The following IFT122 variants were observed in gnomAD, a reference collection of about 807,000 sequenced individuals.
IFT122 encodes the protein intraflagellar transport protein 122 homolog.
In IFT122, 118 loss-of-function variants were observed where a neutral mutation model predicts 161.6. That is an observed-to-expected ratio of 0.73 (90% CI 0.63 to 0.85). The LOEUF (loss-of-function observed/expected upper bound fraction) is 0.85. Among genes scored for constraint, IFT122 ranks in the 40% least tolerant of loss-of-function variants. IFT122 has a pLI of 0.00. For missense variants in IFT122, 1,381 were observed against 1,579.6 expected (o/e 0.87, Z 2.13); for synonymous variants, 550 against 602.4 (o/e 0.91, Z 1.27).
chr3:129,500,105 G>A, intron 19 of IFT122, 37 bp downstream of exon 19: 6 of 1,610,784 alleles, frequency 3.7e-6, no homozygotes, highest in Non-Finnish European at 5.1e-6. Context: ...GCATTTGGCA[G>A]CATGTCATCA....
At chr3:129,458,755 T>C (rs1378706034) in intron 4 of IFT122, 78 bp downstream of exon 4, 4 of 1,176,356 alleles carry the variant, frequency 3.4e-6, no homozygotes, top group Non-Finnish European at 5.1e-6. Flanking sequence ...AGAAAAGATG[T>C]AGGAGAAAAC....
At chr3:129,500,108 T>G (rs773399824) in intron 19 of IFT122, 40 bp downstream of exon 19, 1 of 1,602,956 alleles carries the variant, frequency 6.2e-7, no homozygotes, top group Non-Finnish European at 8.5e-7. Context: ...TTTGGCAGCA[T>G]GTCATCACAT....
intron 11 of IFT122, among the ~76,000 whole-genome samples, chr3:129,477,429 C>G (rs2078088074): frequency 6.6e-6 from 1 of 152,214 alleles, no homozygotes; most frequent in African/African-American, 2.4e-5. Context: ...TGCTAGGTGC[C>G]TTTGCAAGGG....
At chr3:129,462,205 G>A (rs1455598481) in intron 5 of IFT122, among the ~76,000 whole-genome samples, 1 of 152,158 alleles carries the variant, frequency 6.6e-6, no homozygotes, top group African/African-American at 2.4e-5. Flanking sequence ...TTCATGTGAA[G>A]CACTGGTCTG....
rs372233532 is a variant in IFT122, at chr3:129,515,529, G to A, written c.3195G>A (p.Pro1065=). 5.7e-5 allele frequency: 91 copies of A among 1,582,626 alleles called. 1 individual carries two copies. Among genetic ancestry groups the A allele is most frequent in the South Asian group, 1.6e-4 (14 of 90,090 alleles). The change falls in exon 26 of 30, where the codon CCG becomes CCA. Residue 1065 remains proline, a synonymous_variant. Transcript: ENST00000348417. The part of the protein sequence containing the change: ...PLCYRCSTNN[P]LLNNLGNVCI... ...GCTACCGCTGCTCCACCAACAACCCGCTGCTCAACAACCTGGGCAACGTCT... is the reference window on the plus strand; with the variant it reads ...GCTACCGCTGCTCCACCAACAACCCACTGCTCAACAACCTGGGCAACGTCT...
chr3:129,440,327 C>T lies in IFT122; in HGVS notation c.-4C>T, dbSNP rs374479969. 6.4e-7 allele frequency: 1 copy of T among 1,550,860 alleles called. No homozygotes were observed. Among genetic ancestry groups the T allele is most frequent in the East Asian group, 2.4e-5 (1 of 40,914 alleles). ...GAGGAGCCCGAGCCGTAAGGGAAGC[C>T]GTGATGAGGGCCGTGTTGACGTGGA... On this transcript the variant is annotated 5_prime_UTR_variant, in exon 1 of 30. Transcript: ENST00000348417.
At chr3:129,509,647 C>A (rs1412423536) in intron 23 of IFT122, among the ~76,000 whole-genome samples, 3 of 152,072 alleles carry the variant, frequency 2.0e-5, no homozygotes, top group Non-Finnish European at 4.4e-5. Context: ...CGAGAAATGC[C>A]CGTTGAAATG....
rs756735598 is a variant in IFT122 at position 129,517,632 on chromosome 3, G to C, written c.3391+38G>C. On this transcript the variant is annotated intron_variant, in intron 27 of 29. Transcript: ENST00000348417. ...TTGGCCAGAGCCTGTGTGTGCGGCTGTGTGAGGGGTCTGGGGACAGGCGGG... is the reference window on the plus strand; with the variant it reads ...TTGGCCAGAGCCTGTGTGTGCGGCTCTGTGAGGGGTCTGGGGACAGGCGGG... 2.5e-6 allele frequency: 4 copies of C among 1,606,762 alleles called. No homozygotes were observed. The Admixed American group carries it at 6.7e-5, about 27-fold the overall frequency.
chr3:129,480,238 T>C (rs1237011777), intron 13 of IFT122, among the ~76,000 whole-genome samples: 1 of 152,226 alleles, frequency 6.6e-6, no homozygotes, highest in Non-Finnish European at 1.5e-5. Flanking sequence ...TGTGGATTTC[T>C]AGAGGGAGGC....
intron 18 of IFT122, among the ~76,000 whole-genome samples, chr3:129,496,137 C>T (rs544479389): frequency 1.3e-5 from 2 of 152,226 alleles, no homozygotes; most frequent in South Asian, 2.1e-4. Context: ...TCACGCCTGC[C>T]GGCTGCAGAG....
intron 21 of IFT122, 137 bp from the exon 22 acceptor site, chr3:129,506,272 A>C (rs1359520299): frequency 3.2e-6 from 3 of 939,580 alleles, no homozygotes; most frequent in African/African-American, 1.6e-5. Context: ...CCATCCCAGC[A>C]ACGAAGCACT....
chr3:129,481,374 C>G (rs966079006), intron 13 of IFT122, 156 bp from the exon 14 acceptor site: 4 of 724,426 alleles, frequency 5.5e-6, no homozygotes, highest in African/African-American at 1.7e-5. Context: ...CCCCCACCCC[C>G]CTCTTTCTTT....
At chr3:129,456,391 CA>C in intron 3 of IFT122, 1 of 728,434 alleles carries the variant, frequency 1.4e-6, no homozygotes, top group Non-Finnish European at 1.9e-6. Flanking sequence ...GTGATCTCAG[CA>C]CTTTGGGAAG....
At chr3:129,443,963 T>C (rs2107817929) in intron 1 of IFT122, among the ~76,000 whole-genome samples, 1 of 152,330 alleles carries the variant, frequency 6.6e-6, no homozygotes, top group South Asian at 2.1e-4. Flanking sequence ...ATCACTTTGA[T>C]GAGCTCATAT....
At chr3:129,498,444 G>A (rs913344022) in intron 18 of IFT122, among the ~76,000 whole-genome samples, 8 of 152,212 alleles carry the variant, frequency 5.3e-5, no homozygotes, top group Admixed American at 3.9e-4. Flanking sequence ...TGTCTGTAAA[G>A]GCCCAAACTA....
chr3:129,452,794 C>T (rs1488055959), intron 3 of IFT122, among the ~76,000 whole-genome samples: 1 of 152,226 alleles, frequency 6.6e-6, no homozygotes, highest in South Asian at 2.1e-4. Flanking sequence ...TGGAAACAAC[C>T]TGCAAGAGGT....
intron 28 of IFT122, 54 bp from the exon 29 acceptor site, chr3:129,519,514 T>A: frequency 1.2e-6 from 2 of 1,602,236 alleles, no homozygotes; most frequent in Non-Finnish European, 8.5e-7. Context: ...TCCACACAGA[T>A]GTCTCACTGT....
At chr3:129,472,398 C>T (rs2108233678) in intron 9 of IFT122, among the ~76,000 whole-genome samples, 1 of 152,054 alleles carries the variant, frequency 6.6e-6, no homozygotes, top group East Asian at 1.9e-4. Context: ...CTCCTGGGCT[C>T]AAATGATTCT....
chr3:129,520,310 C>T lies in IFT122; in HGVS notation c.*45C>T, dbSNP rs377105452. ...CTGCACCCTCTGCCCGCCTTGGGGT[C>T]TGCTGGGCTGTGAAGGAGAATAAAG... On this transcript the variant is annotated 3_prime_UTR_variant, in exon 30 of 30. Transcript: ENST00000348417. 232 of 1,406,772 alleles carry T rather than the reference C, an allele frequency of 1.6e-4. No homozygotes were observed. Among genetic ancestry groups the T allele is most frequent in the Non-Finnish European group, 2.2e-4 (226 of 1,007,918 alleles). The allele number at this position is 1,406,772 out of a possible 1,614,324, so 87.1% of individuals were successfully genotyped here. A position where few individuals can be genotyped will look rare whatever the true frequency, so the allele number is the denominator to read the frequency against.
Sources: allele counts gnomAD v4.1 joint callset (sites outside exome capture counted in the v4.1 genomes callset), GRCh38; gene constraint gnomAD v4.1.1; transcripts MANE v1.5; gene names NCBI Gene and HGNC (gene_info 2026-07-23, HGNC 2026-07-21).